KANSL1: variants seen among roughly 807,000 people sequenced by gnomAD.
The protein encoded by KANSL1 is KAT8 regulatory NSL complex subunit 1.
A neutral mutation model predicts 103.6 loss-of-function variants in KANSL1; 22 were observed. That is an observed-to-expected ratio of 0.21 (90% CI 0.15 to 0.30). KANSL1 has a LOEUF of 0.30. Ranked by LOEUF, KANSL1 falls within the 10% of genes least tolerant of loss-of-function variation. The pLI is 1.00. For missense variants in KANSL1, 1,337 were observed against 1,399.8 expected (o/e 0.96, Z 0.72); for synonymous variants, 600 against 527.6 (o/e 1.14, Z -1.88).
chr17:46,180,038 T>C (rs2046708888), intron 1 of KANSL1, among the ~76,000 whole-genome samples: 1 of 151,314 alleles, frequency 6.6e-6, no homozygotes, highest in African/African-American at 2.4e-5. Flanking sequence ...CACTCCAGCT[T>C]GGGTAACAAG....
intron 3 of KANSL1, among the ~76,000 whole-genome samples, chr17:46,089,188 C>G (rs145118462): frequency 6.6e-6 from 1 of 152,244 alleles, no homozygotes; most frequent in East Asian, 1.9e-4. Flanking sequence ...TTTTAAAAAA[C>G]AAGCTGACAA....
chr17:46,216,443 A>G (rs2048340907), intron 1 of KANSL1, among the ~76,000 whole-genome samples: 1 of 151,898 alleles, frequency 6.6e-6, no homozygotes, highest in South Asian at 2.1e-4. Context: ...TACTAAAACT[A>G]CAAAAATTAG....
chr17:46,082,588 C>CTTCA lies in KANSL1; in HGVS notation c.1432-50_1432-47dup, dbSNP rs758512215. 3 of 1,131,966 alleles carry CTTCA rather than the reference C, an allele frequency of 2.7e-6. No individual in the cohort carries two copies. The African/African-American group carries it at 4.6e-5, about 18-fold the overall frequency. 70.1% of individuals were successfully genotyped at this position (1,131,966 alleles called of 1,614,324 possible). A position where few individuals can be genotyped will look rare whatever the true frequency, so the allele number is the denominator to read the frequency against. Reference sequence around the variant, plus strand: ...AAATAGCATAAGTGAGCAGTATAAACTTCAAATTTAATTTAGGAGTTAAGT... The same window carrying CTTCA: ...AAATAGCATAAGTGAGCAGTATAAACTTCATTCAAATTTAATTTAGGAGTTAAGT... On this transcript the variant is annotated intron_variant, in intron 3 of 14. Transcript: ENST00000432791.
intron 2 of KANSL1, among the ~76,000 whole-genome samples, chr17:46,130,268 A>C (rs931951055): frequency 2.6e-5 from 4 of 151,844 alleles, no homozygotes; most frequent in Non-Finnish European, 4.4e-5. Flanking sequence ...AGATAAATTA[A>C]ATCAAAATTT....
At chr17:46,124,720 A>AC (rs1373793682) in intron 2 of KANSL1, among the ~76,000 whole-genome samples, 6 of 151,582 alleles carry the variant, frequency 4.0e-5, no homozygotes, top group African/African-American at 1.5e-4. Context: ...GTTGACTCCG[A>AC]CTCTCATGGA....
intron 6 of KANSL1, among the ~76,000 whole-genome samples, chr17:46,055,901 A>T (rs2077908767): frequency 6.6e-6 from 1 of 152,266 alleles, no homozygotes; most frequent in Admixed American, 6.5e-5. Context: ...TACTTTTTCA[A>T]CAAATGAATC....
intron 3 of KANSL1, chr17:46,093,826 T>C (rs1157322270): frequency 2.0e-5 from 3 of 152,232 alleles, no homozygotes; most frequent in Non-Finnish European, 2.9e-5. Flanking sequence ...TTTGCAAGAA[T>C]GTAAGCTTCA....
chr17:46,073,394 T>C (rs1288883841), intron 4 of KANSL1, among the ~76,000 whole-genome samples: 1 of 152,188 alleles, frequency 6.6e-6, no homozygotes, highest in East Asian at 1.9e-4. Context: ...AGCAATGTTT[T>C]TCGCTAAACA....
At chr17:46,122,171 TCAA>T (rs1027008901) in intron 2 of KANSL1, among the ~76,000 whole-genome samples, 6 of 152,326 alleles carry the variant, frequency 3.9e-5, no homozygotes, top group African/African-American at 1.4e-4. Flanking sequence ...GCCCCAATTC[TCAA>T]CAAATCAGTA....
chr17:46,156,201 G>C (rs74504004), intron 2 of KANSL1, among the ~76,000 whole-genome samples: 6 of 152,268 alleles, frequency 3.9e-5, no homozygotes, highest in African/African-American at 1.4e-4. Context: ...TACAAAATTA[G>C]CCGGGCATGG....
chr17:46,036,932 G>A (rs1464928788), intron 10 of KANSL1, among the ~76,000 whole-genome samples: 3 of 152,084 alleles, frequency 2.0e-5, no homozygotes, highest in Non-Finnish European at 2.9e-5. Flanking sequence ...GGATGGTCTC[G>A]AACTCCTGAC....
At chr17:46,033,954 T>A (rs1398040487) in intron 11 of KANSL1, among the ~76,000 whole-genome samples, 1 of 152,260 alleles carries the variant, frequency 6.6e-6, no homozygotes, top group African/African-American at 2.4e-5. Context: ...CCTACCAGGC[T>A]GTGACTGCTG....
At chr17:46,114,594 T>C (rs1284606664) in intron 2 of KANSL1, among the ~76,000 whole-genome samples, 1 of 152,220 alleles carries the variant, frequency 6.6e-6, no homozygotes, top group East Asian at 1.9e-4. Context: ...CACATGTCAG[T>C]ATTTTATTAC....
chr17:46,172,119 T>A lies in KANSL1; in HGVS notation c.25A>T (p.Thr9Ser), dbSNP rs1256411328. The change falls in exon 2 of 15, where the codon ACT becomes TCT. Residue 9 changes from threonine (T) to serine (S), a missense_variant. Physicochemically the swap from Thr to Ser is moderately conservative, Grantham distance 58 (BLOSUM62 1). Around this residue, in one of 2 missense-constraint regions of KANSL1, gnomAD observed 557 missense variants for 476.4 expected, o/e 1.17. Transcript: ENST00000432791. MAAMAPAL[T>S]DAAAEAHHIR... ...TGGTGTGCTTCAGCTGCTGCGTCAG[T>A]GAGAGCGGGCGCCATCGCAGCCATT... The A allele has an allele frequency of 6.2e-7, 1 of 1,608,204 alleles. No individual in the cohort carries two copies. Among genetic ancestry groups the A allele is most frequent in the Non-Finnish European group, 8.5e-7 (1 of 1,180,024 alleles).
At chr17:46,163,535 A>G (rs2045852146) in intron 2 of KANSL1, among the ~76,000 whole-genome samples, 1 of 152,150 alleles carries the variant, frequency 6.6e-6, no homozygotes, top group Non-Finnish European at 1.5e-5. Context: ...CCATTTCCTC[A>G]TTTTTAACAC....
rs533556179 is a variant in KANSL1, at chr17:46,070,599, A to G, written c.1534-2932T>C. Among the ~76,000 whole-genome samples the G allele has an allele frequency of 2.0e-5, 3 of 152,308 alleles. No individual in the cohort carries two copies. The South Asian group carries it at 6.2e-4, about 32-fold the overall frequency. ...CAGGTTGGTATTAACTAACAGATGT[A>G]TAACTTCAGGCATGTTATAGGTATT... On this transcript the variant is annotated intron_variant, in intron 4 of 14. Transcript: ENST00000432791.
chr17:46,070,772 G>C (rs992073936), intron 4 of KANSL1, among the ~76,000 whole-genome samples: 2 of 151,874 alleles, frequency 1.3e-5, no homozygotes, highest in African/African-American at 4.8e-5. Context: ...TGGTATATTT[G>C]ATTTATATAT....
intron 11 of KANSL1, 33 bp downstream of exon 11, chr17:46,034,128 T>A (rs2077086061): frequency 1.2e-6 from 2 of 1,611,146 alleles, no homozygotes; most frequent in East Asian, 4.5e-5. Flanking sequence ...GCAGGAAGAA[T>A]GGGGAGAGGA....
chr17:46,113,976 G>C (rs887579363), intron 2 of KANSL1, among the ~76,000 whole-genome samples: 1 of 152,142 alleles, frequency 6.6e-6, no homozygotes, highest in Non-Finnish European at 1.5e-5. Context: ...TGAGTAAAAT[G>C]AGCCCAAAAT....
Sources: gnomAD v4.1 joint callset for allele counts (sites outside exome capture counted in the v4.1 genomes callset) on GRCh38, gnomAD v4.1.1 for gene constraint, gnomAD v4.1.1 regional missense constraint, MANE v1.5 for transcripts, NCBI Gene and HGNC (gene_info 2026-07-23, HGNC 2026-07-21) for gene names.